The following L3MBTL2 variants were observed in gnomAD, a reference collection of about 807,000 sequenced individuals.
L3MBTL2 encodes lethal(3)malignant brain tumor-like protein 2.
L3MBTL2 carries 49 observed loss-of-function variants against 86.4 expected under a neutral mutation model. The observed-to-expected ratio is 0.57, with a 90% CI of 0.45 to 0.72. The LOEUF (loss-of-function observed/expected upper bound fraction) is 0.72. Among genes scored for constraint, L3MBTL2 ranks in the 30% least tolerant of loss-of-function variants. The pLI is 0.00. For missense variants in L3MBTL2, 755 were observed against 923.7 expected (o/e 0.82, Z 2.37); for synonymous variants, 336 against 350.6 (o/e 0.96, Z 0.47).
intron 2 of L3MBTL2, among the ~76,000 whole-genome samples, chr22:41,213,336 T>G (rs2031061902): frequency 6.7e-6 from 1 of 149,242 alleles, no homozygotes; most frequent in East Asian, 1.9e-4. Context: ...TTTTTTCGCT[T>G]TTTTTTGAGA....
chr22:41,219,398 T>C, intron 5 of L3MBTL2, 21 bp from the exon 6 acceptor site: 1 of 1,566,246 alleles, frequency 6.4e-7, no homozygotes, highest in Non-Finnish European at 8.8e-7. Context: ...ACTCTCTCGG[T>C]ACACTCTCAT....
chr22:41,230,079 G>GCCCCC (rs372714796), intron 16 of L3MBTL2, 60 bp from the exon 17 acceptor site: 32 of 532,642 alleles, frequency 6.0e-5, no homozygotes, highest in Admixed American at 9.3e-5. Context: ...CAGCTCCTCC[G>GCCCCC]CCCCCACCCC....
At chr22:41,229,729 A>G (rs751096526) in intron 16 of L3MBTL2, 73 bp downstream of exon 16, 1 of 1,610,846 alleles carries the variant, frequency 6.2e-7, no homozygotes, top group African/African-American at 1.3e-5. Context: ...CTCCTTCCCC[A>G]CCTGGGCACA....
intron 2 of L3MBTL2, among the ~76,000 whole-genome samples, chr22:41,210,478 C>T (rs997275445): frequency 3.9e-5 from 6 of 152,174 alleles, no homozygotes; most frequent in South Asian, 2.1e-4. Flanking sequence ...TACAGGCGCC[C>T]GCCATGACGC....
chr22:41,217,605 C>T (rs1039207569), intron 5 of L3MBTL2: 3 of 192,074 alleles, frequency 1.6e-5, no homozygotes, highest in African/African-American at 4.7e-5. Context: ...GGAGCCACTT[C>T]TGTAAAAGGC....
At chr22:41,221,165 C>A in intron 7 of L3MBTL2, 34 bp from the exon 8 acceptor site, 1 of 1,515,934 alleles carries the variant, frequency 6.6e-7, no homozygotes, top group South Asian at 1.2e-5. Flanking sequence ...GTTTGTCAGT[C>A]TGTGTAACCA....
chr22:41,229,451 C>T (rs1036239620), intron 15 of L3MBTL2, 89 bp from the exon 16 acceptor site: 21 of 1,459,036 alleles, frequency 1.4e-5, no homozygotes, highest in South Asian at 2.7e-5. Context: ...CCCTCTGCCA[C>T]GCTGCCTGAC....
At chr22:41,211,375 AT>A (rs35184088) in intron 2 of L3MBTL2, among the ~76,000 whole-genome samples, 62,364 of 147,540 alleles carry the variant, frequency 0.42, 13,734 homozygotes, top group African/African-American at 0.56. Context: ...TAATTTTTGT[AT>A]TTTTTTTTTG....
chr22:41,224,660 G>C lies in L3MBTL2; in HGVS notation c.1175-65G>C. On this transcript the variant is annotated intron_variant, in intron 9 of 16. Coordinates refer to ENST00000216237, the MANE Select transcript of L3MBTL2 (RefSeq NM_031488.5). The surrounding 1 kb of genome is among the most constrained non-coding windows in gnomAD (Gnocchi z 4.9). ...CCCACATTCCCAGGGGAGGCGTGTG[G>C]AGATGGCCCAGGAGCCGCCTCCAAC... 1 of 1,227,934 alleles carries C rather than the reference G, an allele frequency of 8.1e-7. No homozygotes were observed. Among genetic ancestry groups the C allele is most frequent in the South Asian group, 1.2e-5 (1 of 82,142 alleles). The allele number at this position is 1,227,934 out of a possible 1,614,324, so 76.1% of individuals were successfully genotyped here. A position where few individuals can be genotyped will look rare whatever the true frequency, so the allele number is the denominator to read the frequency against.
chr22:41,213,337 T>C (rs1285315777), intron 2 of L3MBTL2, among the ~76,000 whole-genome samples: 1 of 149,272 alleles, frequency 6.7e-6, no homozygotes, highest in Non-Finnish European at 1.5e-5. Context: ...TTTTTCGCTT[T>C]TTTTTGAGAC....
chr22:41,205,389 G>T lies in L3MBTL2; in HGVS notation c.24+3G>T. 8.1e-6 allele frequency: 13 copies of T among 1,614,210 alleles called. No homozygotes were observed. The highest frequency in any genetic ancestry group is 1.1e-5 in the Non-Finnish European group (13 of 1,180,024). ...TGGAGAAGCCCCGGAGTATTGAGGT[G>T]AGAAGGCGAGGACTTAGCGTGACTG... On this transcript the variant is annotated splice_donor_region_variant and intron_variant, in intron 1 of 16. Transcript: ENST00000216237.
At chr22:41,218,875 C>T (rs2031595728) in intron 5 of L3MBTL2, 1 of 152,756 alleles carries the variant, frequency 6.5e-6, no homozygotes, top group Non-Finnish European at 1.5e-5. Context: ...ATCCGCCCGT[C>T]TCGGCCTCCC....
At chr22:41,221,341 C>A in intron 8 of L3MBTL2, 54 bp downstream of exon 8, 1 of 1,414,752 alleles carries the variant, frequency 7.1e-7, no homozygotes, top group Non-Finnish European at 9.8e-7. Context: ...CATTTTTCTG[C>A]ATCCTGCATG....
At chr22:41,222,944 A>T (rs1356387270) in intron 8 of L3MBTL2, among the ~76,000 whole-genome samples, 1 of 152,020 alleles carries the variant, frequency 6.6e-6, no homozygotes, top group East Asian at 1.9e-4. Flanking sequence ...ACAAAAACTA[A>T]CAAAAATGGC....
At chr22:41,221,475 C>T (rs1003348756) in intron 8 of L3MBTL2, 188 bp downstream of exon 8, 25 of 599,012 alleles carry the variant, frequency 4.2e-5, no homozygotes, top group Admixed American at 1.6e-4. Flanking sequence ...AGCCTGGCGT[C>T]GGCCACTGCC....
In L3MBTL2 at chr22:41,225,749, G is replaced by T; in HGVS notation, c.1357-45G>T. 1 of 1,575,138 alleles carries T rather than the reference G, an allele frequency of 6.3e-7. No individual in the cohort carries two copies. On this transcript the variant is annotated intron_variant, in intron 11 of 16. Transcript: ENST00000216237. The surrounding 1 kb of genome is among the most constrained non-coding windows in gnomAD (Gnocchi z 4.1). ...GTGCGGTACCAACCCAGGATGGGGT[G>T]CAGTTCATGATATGATCTGTCTGCC...
rs543706816 is a variant in L3MBTL2 at position 41,212,852 on chromosome 22, G to A, written c.263-1041G>A. On this transcript the variant is annotated intron_variant, in intron 2 of 16. Coordinates refer to ENST00000216237, the MANE Select transcript of L3MBTL2 (RefSeq NM_031488.5). ...GAAGGTTGCAATGAGCCAAGATGGC[G>A]CCACTGCACTCCATCCTGGGCAACA... 4.0e-5 allele frequency among the ~76,000 whole-genome samples: 6 copies of A among 149,128 alleles called. No homozygotes were observed. The East Asian group carries it at 6.0e-4, about 15-fold the overall frequency.
Position 41,227,984 on chromosome 22 carries a change from T to C in L3MBTL2, c.1888+115T>C, listed in dbSNP as rs538742822. On this transcript the variant is annotated intron_variant, in intron 15 of 16. Transcript: ENST00000216237. The surrounding 1 kb of genome is among the most constrained non-coding windows in gnomAD (Gnocchi z 6.0). Reference sequence around the variant, plus strand: ...CACTGGTTCCCAGGTGCTGTCCTACTGACGTAGCTCTCTTCGTGTTCCTGT... The same window carrying C: ...CACTGGTTCCCAGGTGCTGTCCTACCGACGTAGCTCTCTTCGTGTTCCTGT... 3 of 1,487,004 alleles carry C rather than the reference T, an allele frequency of 2.0e-6. No homozygotes were observed. The highest frequency in any genetic ancestry group is 1.3e-5 in the South Asian group (1 of 75,808). The allele number at this position is 1,487,004 out of a possible 1,614,324, so 92.1% of individuals were successfully genotyped here. A position where few individuals can be genotyped will look rare whatever the true frequency, so the allele number is the denominator to read the frequency against.
At chr22:41,226,009 G>C (rs1450884942) in intron 12 of L3MBTL2, 68 bp downstream of exon 12, 1 of 1,513,120 alleles carries the variant, frequency 6.6e-7, no homozygotes, top group East Asian at 2.3e-5. Context: ...AGGCGCGGTG[G>C]CTCCCGCCTG....
Sources: allele counts gnomAD v4.1 joint callset (sites outside exome capture counted in the v4.1 genomes callset), GRCh38; gene constraint gnomAD v4.1.1; non-coding constraint Gnocchi (gnomAD v3.1); transcripts MANE v1.5; gene names NCBI Gene and HGNC (gene_info 2026-07-23, HGNC 2026-07-21).